The following THSD1 variants were observed in gnomAD, a reference collection of about 807,000 sequenced individuals.
THSD1 encodes the protein thrombospondin type-1 domain-containing protein 1.
THSD1 carries 34 observed loss-of-function variants against 46.3 expected under a neutral mutation model. The observed-to-expected ratio is 0.74, with a 90% confidence interval of 0.56 to 0.98. The LOEUF is 0.98. Among genes scored for constraint, THSD1 ranks in the 50% least tolerant of loss-of-function variants. The pLI is 0.00. For synonymous variants in THSD1, 407 were observed against 416.5 expected (o/e 0.98, Z 0.28); for missense variants, 1,023 against 1,058.3 (o/e 0.97, Z 0.46).
rs201231735 is a variant in THSD1, at chr13:52,378,239, C to T, written c.1731G>A (p.Pro577=). Reference sequence around the variant, plus strand: ...GGAACTTGTTTGCTGCAGCTTCTTCCGGGCTTTCCAAATCTAAGGGAGCGC... The same window carrying T: ...GGAACTTGTTTGCTGCAGCTTCTTCTGGGCTTTCCAAATCTAAGGGAGCGC... ...APSAPLDLES[P]EEAAANKFRI... The change falls in exon 5 of 5, where the codon CCG becomes CCA. Residue 577 remains proline (P), a synonymous_variant. Coordinates refer to ENST00000258613, the MANE Select transcript of THSD1 (RefSeq NM_018676.4). 7 of 1,614,196 alleles carry T rather than the reference C, an allele frequency of 4.3e-6. No individual in the cohort carries two copies. Among genetic ancestry groups the T allele is most frequent in the East Asian group, 4.5e-5 (2 of 44,884 alleles).
intron 3 of THSD1, among the ~76,000 whole-genome samples, chr13:52,388,367 A>G (rs1957749147): frequency 6.6e-6 from 1 of 152,236 alleles, no homozygotes; most frequent in Non-Finnish European, 1.5e-5. Flanking sequence ...TATATAAAGA[A>G]ATGAAGAGTG....
In THSD1 at chr13:52,397,758, G is replaced by A. The variant is rs3803264; in HGVS notation, c.495C>T (p.Ile165=). 0.65 allele frequency: 1,047,400 copies of A among 1,614,008 alleles called. 342,014 individuals are homozygous for A. The highest frequency in any genetic ancestry group is 0.71 in the Middle Eastern group (4,328 of 6,062). The part of the protein sequence containing the change: ...LCPFPVDKPN[I]VVDVIFTNSL... ...TGTTGGTGAAGATGACATCCACTAC[G>A]ATGTTGGGCTTGTCCACAGGAAACG... Residue 165 remains isoleucine (I), a synonymous_variant, in exon 3 of 5, where the codon ATC becomes ATT. Transcript: ENST00000258613.
In THSD1 at chr13:52,378,757, GC is replaced by G; in HGVS notation, c.1212del (p.Gln404HisfsTer6). 6.2e-7 allele frequency: 1 copy of G among 1,609,544 alleles called. No homozygotes were observed. Among genetic ancestry groups the G allele is most frequent in the Non-Finnish European group, 8.5e-7 (1 of 1,178,802 alleles). The stretch of plus-strand genomic sequence containing the variant: ...TTGTTGGACTTCACTGGACCCTGGG[GC>G]TGAAGAGGAGATGGGCTGGATGGCT... The part of the protein sequence containing the change: ...AFQPSSPSPL[Q>X]PQGPVKSNNI... On this transcript the variant is annotated frameshift_variant, in exon 5 of 5. Coordinates refer to ENST00000258613, the MANE Select transcript of THSD1 (RefSeq NM_018676.4). LOFTEE classifies it low-confidence loss of function (END_TRUNC).
chr13:52,384,936 GA>G (rs56808344), intron 4 of THSD1, among the ~76,000 whole-genome samples: 3,846 of 141,000 alleles, frequency 0.027, 132 homozygotes, highest in African/African-American at 0.084. Flanking sequence ...GCTACAATAA[GA>G]AAAAAAAAAA....
chr13:52,392,203 A>T lies in THSD1; in HGVS notation c.1021+5029T>A, dbSNP rs1233726561. On this transcript the variant is annotated intron_variant, in intron 3 of 4. Transcript: ENST00000258613. ...TGAGACTCCTCTCAAAAAAAAAAAA[A>T]AAAAAAAAGTAAAATCATAGCATGT... is the stretch of plus-strand genomic sequence containing the variant. Among the ~76,000 whole-genome samples the T allele has an allele frequency of 3.2e-3, 485 of 151,562 alleles. 3 individuals carry two copies. The highest frequency in any genetic ancestry group is 0.011 in the African/African-American group (437 of 41,422).
intron 3 of THSD1, among the ~76,000 whole-genome samples, chr13:52,393,262 C>T (rs532839741): frequency 1.3e-5 from 2 of 152,056 alleles, no homozygotes; most frequent in Non-Finnish European, 2.9e-5. Context: ...GGTTAATATC[C>T]ATAAAACAGT....
intron 3 of THSD1, among the ~76,000 whole-genome samples, chr13:52,388,824 C>T (rs981168669): frequency 6.6e-6 from 1 of 151,992 alleles, no homozygotes; most frequent in African/African-American, 2.4e-5. Flanking sequence ...ATTATGACAA[C>T]GATCACACAA....
intron 4 of THSD1, among the ~76,000 whole-genome samples, chr13:52,383,108 C>A (rs990128107): frequency 6.6e-6 from 1 of 151,954 alleles, no homozygotes; most frequent in Non-Finnish European, 1.5e-5. Context: ...TCATTGCAGG[C>A]CCTATAATAT....
Position 52,378,142 on chromosome 13 carries a change from T to C in THSD1, c.1828A>G (p.Asn610Asp). Residue 610 changes from asparagine to aspartate, a missense_variant, in exon 5 of 5, where the codon AAT becomes GAT. Physicochemically the swap from Asn to Asp is conservative, Grantham distance 23. This residue lies in a region of THSD1 where 578 missense variants were observed against 497.4 expected (regional missense o/e 1.16). Transcript: ENST00000258613. ...ATGGCACAACTGGCCTGAGTCACAT[T>C]TAGATCCAGCCTGGAGGGAGGCCTT... ...GERPPSRLDL[N>D]VTQASCAISP... 6.2e-7 allele frequency: 1 copy of C among 1,614,118 alleles called. No individual in the cohort carries two copies. The highest frequency in any genetic ancestry group is 8.5e-7 in the Non-Finnish European group (1 of 1,180,018).
Position 52,377,973 on chromosome 13 carries a change from C to T in THSD1, c.1997G>A (p.Arg666Gln), listed in dbSNP as rs1158416792. Residue 666 changes from arginine (R) to glutamine (Q), a missense_variant, in exon 5 of 5, where the codon CGA (arginine) becomes CAA (glutamine). Around this residue, in one of 3 missense-constraint regions of THSD1, gnomAD observed 578 missense variants for 497.4 expected, o/e 1.16. Transcript: ENST00000258613. ...FHEARQARPF[R>Q]ERSMSTLTPR... ...AGTCAGAGTGGACATGCTCCTCTCT[C>T]GGAACGGCCGGGCCTGCCTGGCTTC... is the stretch of plus-strand genomic sequence containing the variant. 5.0e-6 allele frequency: 8 copies of T among 1,614,152 alleles called. No individual in the cohort carries two copies. Among genetic ancestry groups the T allele is most frequent in the East Asian group, 2.2e-5 (1 of 44,860 alleles).
intron 2 of THSD1, among the ~76,000 whole-genome samples, chr13:52,400,493 G>A (rs191669992): frequency 6.6e-6 from 1 of 152,246 alleles, no homozygotes. Flanking sequence ...AGCTACTCAG[G>A]AGGCTGAGGC....
chr13:52,392,385 C>G (rs1019978244), intron 3 of THSD1, among the ~76,000 whole-genome samples: 2 of 152,180 alleles, frequency 1.3e-5, no homozygotes, highest in African/African-American at 4.8e-5. Context: ...GTAACTCCAT[C>G]TGATCCCTGA....
chr13:52,404,624 A>G (rs1338636804), intron 1 of THSD1, among the ~76,000 whole-genome samples: 1 of 152,234 alleles, frequency 6.6e-6, no homozygotes, highest in Admixed American at 6.5e-5. Context: ...AAAGTCAGCC[A>G]GTAAGATCCT....
intron 4 of THSD1, among the ~76,000 whole-genome samples, chr13:52,381,705 C>G (rs997606224): frequency 3.9e-5 from 6 of 152,204 alleles, no homozygotes; most frequent in Non-Finnish European, 5.9e-5. Flanking sequence ...TCCTCTGCAG[C>G]AATTATCTCC....
chr13:52,391,795 G>T (rs1002411123), intron 3 of THSD1, among the ~76,000 whole-genome samples: 1 of 151,782 alleles, frequency 6.6e-6, no homozygotes, highest in African/African-American at 2.4e-5. Context: ...CACCCACCTC[G>T]GCCTCTCAAA....
At chr13:52,402,900 C>T (rs1343818364) in intron 1 of THSD1, 3 of 985,242 alleles carry the variant, frequency 3.0e-6, no homozygotes, top group Non-Finnish European at 3.6e-6. Context: ...GTATGCCCAA[C>T]ACCCACTAAA....
At position 52,385,295 on chromosome 13, in the gene THSD1, C is replaced by T. The variant is rs547560618; in HGVS notation, c.1180+733G>A. ...TAAATGTGGATTGTCTGTCAGGAGG[C>T]GGGATGGTGTGTGGAAAAAGCAAGG... On this transcript the variant is annotated intron_variant, in intron 4 of 4. Coordinates refer to ENST00000258613, the MANE Select transcript of THSD1 (RefSeq NM_018676.4). 1.8e-3 allele frequency among the ~76,000 whole-genome samples: 281 copies of T among 152,158 alleles called. 2 individuals carry two copies. The highest frequency in any genetic ancestry group is 6.3e-3 in the African/African-American group (261 of 41,514).
rs950463850 is a variant in THSD1 at position 52,398,418 on chromosome 13, T to G, written c.59-224A>C. 46 of 666,248 alleles carry G rather than the reference T, an allele frequency of 6.9e-5. 2 individuals carry two copies. In the African/African-American group the frequency reaches 7.7e-4, roughly 11 times the overall value. The allele number at this position is 666,248 out of a possible 1,614,324, so 41.3% of individuals were successfully genotyped here. A position where few individuals can be genotyped will look rare whatever the true frequency, so the allele number is the denominator to read the frequency against. The stretch of plus-strand genomic sequence containing the variant: ...ACGAATAGCTGGGACTACAGGCACA[T>G]GCCACCACACCCAGCTAATTTTCTT... On this transcript the variant is annotated intron_variant, in intron 2 of 4. Coordinates refer to ENST00000258613, the MANE Select transcript of THSD1 (RefSeq NM_018676.4).
rs1218949275 is a variant in THSD1 at position 52,378,761 on chromosome 13, A to T, written c.1209T>A (p.Leu403=). Reference sequence around the variant, plus strand: ...TGGACTTCACTGGACCCTGGGGCTGAAGAGGAGATGGGCTGGATGGCTGGA... The same window carrying T: ...TGGACTTCACTGGACCCTGGGGCTGTAGAGGAGATGGGCTGGATGGCTGGA... ...AAFQPSSPSP[L]QPQGPVKSNN... is the part of the protein sequence containing the mutation. Residue 403 remains leucine (L), a synonymous_variant, in exon 5 of 5, where the codon CTT becomes CTA. Coordinates refer to ENST00000258613, the MANE Select transcript of THSD1 (RefSeq NM_018676.4). 3 of 1,607,966 alleles carry T rather than the reference A, an allele frequency of 1.9e-6. No individual in the cohort carries two copies. The African/African-American group carries it at 4.0e-5, about 22-fold the overall frequency.
Sources: allele counts gnomAD v4.1 joint callset (sites outside exome capture counted in the v4.1 genomes callset), GRCh38; gene constraint gnomAD v4.1.1; regional missense constraint gnomAD v4.1.1; transcripts MANE v1.5; gene names NCBI Gene and HGNC (gene_info 2026-07-23, HGNC 2026-07-21).